The following NCBP3 variants were observed in gnomAD, a reference collection of about 807,000 sequenced individuals.
The protein encoded by NCBP3 is nuclear cap-binding protein subunit 3.
A neutral mutation model predicts 75.7 loss-of-function variants in NCBP3; 20 were observed. The ratio of observed to expected loss-of-function variants is 0.26; its 90% confidence interval spans 0.19 to 0.38. The LOEUF (loss-of-function observed/expected upper bound fraction) is 0.38. NCBP3 is among the 10% of genes least tolerant of loss of function. The pLI is 1.00. For missense variants in NCBP3, 678 were observed against 796.9 expected (o/e 0.85, Z 1.80); for synonymous variants, 293 against 290.5 (o/e 1.01, Z -0.09).
chr17:3,841,806 C>T (rs1196259726), intron 2 of NCBP3, among the ~76,000 whole-genome samples: 2 of 135,676 alleles, frequency 1.5e-5, no homozygotes, highest in Admixed American at 7.8e-5. Flanking sequence ...GAACTCCAGC[C>T]TGGGTGACAG....
chr17:3,806,074 T>A lies in NCBP3; in HGVS notation c.*6970A>T, dbSNP rs1313205051. On this transcript the variant is annotated 3_prime_UTR_variant, in exon 13 of 13. Transcript: ENST00000389005. ...AAACTCCTAGGAAGGGACAGGAAGG[T>A]GAGAATCCTTTCTTTTTTTTTTGAG... The A allele has an allele frequency of 1.3e-5, 2 of 149,130 alleles. No individual in the cohort carries two copies. Among genetic ancestry groups the A allele is most frequent in the Non-Finnish European group, 3.0e-5 (2 of 67,740 alleles). 9.2% of individuals were successfully genotyped at this position (149,130 alleles called of 1,614,324 possible). A position where few individuals can be genotyped will look rare whatever the true frequency, so the allele number is the denominator to read the frequency against.
intron 3 of NCBP3, among the ~76,000 whole-genome samples, chr17:3,829,654 C>T (rs2053844479): frequency 6.6e-6 from 1 of 152,184 alleles, no homozygotes; most frequent in African/African-American, 2.4e-5. Context: ...TAATCTGTAG[C>T]AATCAGAGCA....
chr17:3,812,421 G>GT lies in NCBP3; in HGVS notation c.*622dup, dbSNP rs1157714478. 8 of 740,972 alleles carry GT rather than the reference G, an allele frequency of 1.1e-5. No homozygotes were observed. The South Asian group carries it at 3.0e-4, about 28-fold the overall frequency. 45.9% of individuals were successfully genotyped at this position (740,972 alleles called of 1,614,324 possible). On this transcript the variant is annotated 3_prime_UTR_variant, in exon 13 of 13. Transcript: ENST00000389005. ...GATCTTCACATCAAGCTGACAGCAC[G>GT]TAAGAGGCCCATGCCATGAGCAATC... is the stretch of plus-strand genomic sequence containing the variant.
rs377149279 is a variant in NCBP3 at position 3,806,086 on chromosome 17, C to CTTTTTTTT, written c.*6950_*6957dup. On this transcript the variant is annotated 3_prime_UTR_variant, in exon 13 of 13. Transcript: ENST00000389005. ...AGGGACAGGAAGGTGAGAATCCTTT[C>CTTTTTTTT]TTTTTTTTTTGAGACGGAGTCTCGC... The CTTTTTTTT allele has an allele frequency of 4.7e-5, 7 of 148,578 alleles. No homozygotes were observed. Among genetic ancestry groups the CTTTTTTTT allele is most frequent in the Admixed American group, 1.3e-4 (2 of 14,862 alleles). 9.2% of individuals were successfully genotyped at this position (148,578 alleles called of 1,614,324 possible).
At chr17:3,842,978 T>C (rs1447425399) in intron 2 of NCBP3, 108 bp downstream of exon 2, 2 of 1,007,094 alleles carry the variant, frequency 2.0e-6, no homozygotes, top group African/African-American at 3.3e-5. Context: ...AAAATTTAAA[T>C]CCAGCAACAA....
In NCBP3 at chr17:3,811,045, T is replaced by C. The variant is rs2053403117; in HGVS notation, c.*1999A>G. 6.6e-6 allele frequency: 1 copy of C among 152,348 alleles called. No individual in the cohort carries two copies. The highest frequency in any genetic ancestry group is 1.5e-5 in the Non-Finnish European group (1 of 68,094). The allele number at this position is 152,348 out of a possible 1,614,324, so 9.4% of individuals were successfully genotyped here. On this transcript the variant is annotated 3_prime_UTR_variant, in exon 13 of 13. Coordinates refer to ENST00000389005, the MANE Select transcript of NCBP3 (RefSeq NM_001114118.3). ...GGAATAAGCCCCTGTCTACACCTCA[T>C]GCGCGCCCTCAGTTGTCTCCCTGGC...
At chr17:3,828,510 C>G (rs557586607) in intron 4 of NCBP3, among the ~76,000 whole-genome samples, 1 of 152,090 alleles carries the variant, frequency 6.6e-6, no homozygotes, top group Non-Finnish European at 1.5e-5. Context: ...CTAAGAAAAC[C>G]GGCTGCCATC....
intron 12 of NCBP3, 147 bp downstream of exon 12, chr17:3,814,175 G>A: frequency 9.8e-6 from 8 of 818,880 alleles, no homozygotes; most frequent in South Asian, 9.5e-5. Flanking sequence ...TGCTGATGCT[G>A]ACGATAACTA....
chr17:3,815,999 G>T, intron 11 of NCBP3, 117 bp downstream of exon 11: 1 of 928,922 alleles, frequency 1.1e-6, no homozygotes, highest in Non-Finnish European at 1.5e-6. Context: ...TAGACATGAT[G>T]AACCAGGACA....
chr17:3,821,720 G>C (rs537623074), intron 8 of NCBP3, among the ~76,000 whole-genome samples: 3 of 152,148 alleles, frequency 2.0e-5, no homozygotes, highest in Non-Finnish European at 4.4e-5. Flanking sequence ...ACCATGTCTG[G>C]GCTCGCTAAT....
chr17:3,822,015 C>T lies in NCBP3; in HGVS notation c.834G>A (p.Gln278=), dbSNP rs1241633471. 7 of 1,612,546 alleles carry T rather than the reference C, an allele frequency of 4.3e-6. No homozygotes were observed. Among genetic ancestry groups the T allele is most frequent in the Non-Finnish European group, 5.1e-6 (6 of 1,179,354 alleles). ...KKELGAARRS[Q]YYMKYGNPNY... Reference sequence around the variant, plus strand: ...TTGGATTCCCATATTTCATGTAATACTGACTTCTTCTGGCTGCTCCAAGTT... The same window carrying T: ...TTGGATTCCCATATTTCATGTAATATTGACTTCTTCTGGCTGCTCCAAGTT... The change falls in exon 8 of 13, where the codon CAG becomes CAA. Residue 278 remains glutamine, a synonymous_variant. Coordinates refer to ENST00000389005, the MANE Select transcript of NCBP3 (RefSeq NM_001114118.3).
chr17:3,834,515 C>A (rs1259714917), intron 3 of NCBP3, among the ~76,000 whole-genome samples: 2 of 152,222 alleles, frequency 1.3e-5, no homozygotes, highest in African/African-American at 2.4e-5. Context: ...GTGGCTCACG[C>A]CTGTAATCCC....
chr17:3,837,412 G>A (rs1172277636), intron 3 of NCBP3, among the ~76,000 whole-genome samples: 2 of 149,944 alleles, frequency 1.3e-5, no homozygotes, highest in South Asian at 2.1e-4. Context: ...CAGGAGAATC[G>A]CTTGAACCCG....
At chr17:3,822,225 T>A in intron 7 of NCBP3, 173 bp from the exon 8 acceptor site, 1 of 560,628 alleles carries the variant, frequency 1.8e-6, no homozygotes, top group Non-Finnish European at 3.1e-6. Context: ...CAATGCAGTG[T>A]AGAGGGGATA....
Position 3,817,966 on chromosome 17 carries a change from T to TACAC in NCBP3, c.1310+293_1310+296dup, listed in dbSNP as rs61462832. ...ATATCTACAGCTTTTCCCTGTGCCA[T>TACAC]ACACACACACACACACACACACACA... is the stretch of plus-strand genomic sequence containing the variant. On this transcript the variant is annotated intron_variant, in intron 10 of 12. Coordinates refer to ENST00000389005, the MANE Select transcript of NCBP3 (RefSeq NM_001114118.3). Among the ~76,000 whole-genome samples the TACAC allele has an allele frequency of 7.6e-3, 1,133 of 149,010 alleles. 5 individuals are homozygous for TACAC. The highest frequency in any genetic ancestry group is 0.022 in the African/African-American group (904 of 40,908).
At chr17:3,815,055 C>A (rs1233555379) in intron 11 of NCBP3, among the ~76,000 whole-genome samples, 1 of 152,222 alleles carries the variant, frequency 6.6e-6, no homozygotes, top group Non-Finnish European at 1.5e-5. Context: ...CAGAGAGCAG[C>A]ACCCTGGTCT....
At chr17:3,817,407 G>T (rs1487682760) in intron 10 of NCBP3, among the ~76,000 whole-genome samples, 3 of 152,018 alleles carry the variant, frequency 2.0e-5, no homozygotes, top group Non-Finnish European at 4.4e-5. Context: ...GAGGCAGGTG[G>T]ATCACGAGGT....
intron 1 of NCBP3, among the ~76,000 whole-genome samples, chr17:3,844,257 A>G (rs961060036): frequency 1.3e-5 from 2 of 152,168 alleles, no homozygotes; most frequent in African/African-American, 2.4e-5. Context: ...ACAGTCACTA[A>G]TTACAGGACA....
rs760341775 is a variant in NCBP3 at position 3,814,415 on chromosome 17, G to A, written c.1534C>T (p.Arg512Trp). ...EKAFSSNPVVRREPSSDVHSR... is the reference protein window; with the variant it reads ...EKAFSSNPVVWREPSSDVHSR... ...TGCACATCAGAAGAGGGCTCTCTCC[G>A]AACGACGGGGTTACTACTAAAAGCC... Residue 512 changes from arginine to tryptophan, a missense_variant, in exon 12 of 13, where the codon CGG (arginine) becomes TGG (tryptophan). By Grantham distance (101) the Arg-to-Trp change is moderately radical. Coordinates refer to ENST00000389005, the MANE Select transcript of NCBP3 (RefSeq NM_001114118.3). 4.0e-5 allele frequency: 64 copies of A among 1,614,052 alleles called. No individual in the cohort carries two copies. In the Admixed American group the frequency reaches 4.7e-4, roughly 12 times the overall value.
Sources: gnomAD v4.1 joint callset for allele counts (sites outside exome capture counted in the v4.1 genomes callset) on GRCh38, gnomAD v4.1.1 for gene constraint, MANE v1.5 for transcripts, NCBI Gene and HGNC (gene_info 2026-07-23, HGNC 2026-07-21) for gene names.